The following CFAP107 variants were observed in gnomAD, a reference collection of about 807,000 sequenced individuals.
The protein encoded by CFAP107 is cilia- and flagella-associated protein 107.
the CFAP107 span, chr1:12,746,673 T>G: frequency 1.5e-6 from 1 of 659,996 alleles, no homozygotes; most frequent in East Asian, 2.8e-5. Flanking sequence ...TTGGGGTCTC[T>G]GTGCTCTACA....
chr1:12,760,474 A>G, the CFAP107 span, among the ~76,000 whole-genome samples: 15 of 152,262 alleles, frequency 9.9e-5, no homozygotes, highest in Admixed American at 7.8e-4. Flanking sequence ...ATTACTCAGG[A>G]CCAGCGAGGC....
At chr1:12,748,996 A>G in the CFAP107 span, among the ~76,000 whole-genome samples, 2,085 of 152,304 alleles carry the variant, frequency 0.014, 43 homozygotes, top group African/African-American at 0.047. Context: ...AGCAAATTTA[A>G]AGGCAGTGAA....
chr1:12,754,064 A>G, the CFAP107 span: 1 of 152,212 alleles, frequency 6.6e-6, no homozygotes, highest in African/African-American at 2.4e-5. Flanking sequence ...GCCTCAAAGG[A>G]CACTAACAAC....
At chr1:12,749,792 C>T in the CFAP107 span, among the ~76,000 whole-genome samples, 1 of 152,012 alleles carries the variant, frequency 6.6e-6, no homozygotes, top group Non-Finnish European at 1.5e-5. Flanking sequence ...TAAGACATTC[C>T]CAGATAAACA....
chr1:12,761,119 A>C, the CFAP107 span: 1 of 596,610 alleles, frequency 1.7e-6, no homozygotes, highest in Non-Finnish European at 2.8e-6. Flanking sequence ...CCCCCTCAAA[A>C]CCCACAGGTT....
At chr1:12,755,726 C>T in the CFAP107 span, 4 of 1,613,662 alleles carry the variant, frequency 2.5e-6, no homozygotes, top group Non-Finnish European at 3.4e-6. Context: ...ACAAGACACC[C>T]CAATCCATTT....
the CFAP107 span, among the ~76,000 whole-genome samples, chr1:12,758,930 C>T: frequency 1.1e-4 from 16 of 152,298 alleles, no homozygotes; most frequent in African/African-American, 3.1e-4. Context: ...CCCTTAGGAA[C>T]AGGCTTGGAT....
chr1:12,753,109 C>G, the CFAP107 span, among the ~76,000 whole-genome samples: 2 of 151,978 alleles, frequency 1.3e-5, no homozygotes, highest in South Asian at 2.1e-4. Context: ...TAAGAAAATT[C>G]CATTTACAGT....
chr1:12,750,743 A>G, the CFAP107 span, among the ~76,000 whole-genome samples: 1 of 152,188 alleles, frequency 6.6e-6, no homozygotes, highest in Admixed American at 6.5e-5. Flanking sequence ...AAATGGACAG[A>G]ATTGAAGGGA....
At chr1:12,751,004 A>G in the CFAP107 span, among the ~76,000 whole-genome samples, 1 of 152,352 alleles carries the variant, frequency 6.6e-6, no homozygotes, top group South Asian at 2.1e-4. Context: ...AGAAATACTG[A>G]AAAATCCACC....
chr1:12,756,934 T>A, the CFAP107 span, among the ~76,000 whole-genome samples: 2 of 152,210 alleles, frequency 1.3e-5, no homozygotes, highest in African/African-American at 4.8e-5. Flanking sequence ...TAGGGATCCA[T>A]GTCAGGATAA....
At chr1:12,759,567 A>C in the CFAP107 span, 1 of 1,522,894 alleles carries the variant, frequency 6.6e-7, no homozygotes. Flanking sequence ...TGCCTCATGC[A>C]GAAGGAGCCA....
At chr1:12,746,372 C>A in the CFAP107 span, 3 of 1,420,410 alleles carry the variant, frequency 2.1e-6, no homozygotes, top group African/African-American at 1.4e-5. Flanking sequence ...ACACCTTCCT[C>A]TCCCCGCCTG....
the CFAP107 span, chr1:12,746,225 G>A: frequency 0.022 from 9,714 of 447,404 alleles, 790 homozygotes; most frequent in African/African-American, 0.17. Flanking sequence ...ATCCAAGATA[G>A]ATCAACTCTC....
the CFAP107 span, chr1:12,755,813 G>A: frequency 4.4e-6 from 7 of 1,607,052 alleles, no homozygotes; most frequent in Admixed American, 1.2e-4. Context: ...GGAAAGTTGA[G>A]GTAAGAGGGA....
chr1:12,748,864 A>G, the CFAP107 span, among the ~76,000 whole-genome samples: 1,781 of 152,332 alleles, frequency 0.012, 24 homozygotes, highest in African/African-American at 0.041. Flanking sequence ...AGAATATTAA[A>G]AAGGAGATTG....
chr1:12,759,555 C>G, the CFAP107 span: 3 of 1,574,984 alleles, frequency 1.9e-6, no homozygotes, highest in Non-Finnish European at 2.6e-6. Context: ...CGGAGCTGTA[C>G]CTGCCTCATG....
the CFAP107 span, among the ~76,000 whole-genome samples, chr1:12,748,461 TA>T: frequency 0.016 from 1,925 of 121,972 alleles, 20 homozygotes; most frequent in African/African-American, 0.028. Flanking sequence ...GTAGGGGAAT[TA>T]AAAAAAAAAA....
the CFAP107 span, among the ~76,000 whole-genome samples, chr1:12,750,154 G>A: frequency 2.6e-3 from 402 of 152,222 alleles, 1 homozygote; most frequent in Non-Finnish European, 4.0e-3. Context: ...TCAGTTGGTC[G>A]CAATTTAAAA....
Sources: allele counts gnomAD v4.1 joint callset (sites outside exome capture counted in the v4.1 genomes callset), GRCh38; gene constraint gnomAD v4.1.1; transcripts MANE v1.5; gene names NCBI Gene and HGNC (gene_info 2026-07-23, HGNC 2026-07-21).